The following SGCZ variants were observed in gnomAD, a reference collection of about 807,000 sequenced individuals.
SGCZ encodes the protein zeta-sarcoglycan.
In SGCZ, 40 loss-of-function variants were observed where a neutral mutation model predicts 41.3. The ratio of observed to expected loss-of-function variants is 0.97; its 90% CI spans 0.75 to 1.26. SGCZ has a LOEUF of 1.26. Ranked by LOEUF, SGCZ falls within the 50% of genes most tolerant of loss-of-function variation. The probability of loss-of-function intolerance (pLI) is 0.00; values close to 1 mark genes in which losing one functional copy is unlikely to be tolerated. For synonymous variants in SGCZ, 206 were observed against 137.5 expected (o/e 1.50, Z -3.49); for missense variants, 552 against 369.8 (o/e 1.49, Z -4.04).
At chr8:14,628,319 A>G (rs1806531178) in intron 1 of SGCZ, among the ~76,000 whole-genome samples, 1 of 148,574 alleles carries the variant, frequency 6.7e-6, no homozygotes, top group Non-Finnish European at 1.5e-5. Flanking sequence ...TAATTTACCT[A>G]TAAGGAAAGA....
At chr8:14,271,053 G>A (rs1305995299) in intron 3 of SGCZ, among the ~76,000 whole-genome samples, 1 of 152,126 alleles carries the variant, frequency 6.6e-6, no homozygotes, top group Non-Finnish European at 1.5e-5. Context: ...GTTGTGAGGT[G>A]GGCGGAGCGG....
At chr8:14,718,771 A>G (rs562958226) in intron 1 of SGCZ, among the ~76,000 whole-genome samples, 8 of 151,698 alleles carry the variant, frequency 5.3e-5, no homozygotes, top group Non-Finnish European at 1.2e-4. Flanking sequence ...GAGAAGAAAG[A>G]AATGAACAGT....
intron 1 of SGCZ, among the ~76,000 whole-genome samples, chr8:15,210,945 G>T (rs1357257310): frequency 6.6e-6 from 1 of 151,510 alleles, no homozygotes; most frequent in African/African-American, 2.4e-5. Context: ...TATTGCCTTT[G>T]CCTAGAAATC....
intron 5 of SGCZ, among the ~76,000 whole-genome samples, chr8:14,155,674 A>G (rs1041861678): frequency 2.7e-5 from 4 of 150,826 alleles, no homozygotes; most frequent in Non-Finnish European, 4.4e-5. Flanking sequence ...ATTTTATTCA[A>G]TCAAACGTAT....
chr8:14,112,358 A>T (rs1445364659), intron 5 of SGCZ, among the ~76,000 whole-genome samples: 1 of 151,460 alleles, frequency 6.6e-6, no homozygotes, highest in African/African-American at 2.4e-5. Flanking sequence ...TACAAGAGGA[A>T]TCCAGAGTCC....
chr8:14,408,258 C>T (rs1188405157), intron 2 of SGCZ, among the ~76,000 whole-genome samples: 1 of 152,112 alleles, frequency 6.6e-6, no homozygotes, highest in Non-Finnish European at 1.5e-5. Context: ...TTGGTCTTTG[C>T]AGAATCACCT....
intron 1 of SGCZ, among the ~76,000 whole-genome samples, chr8:14,834,765 G>A (rs924710662): frequency 6.6e-6 from 1 of 152,180 alleles, no homozygotes; most frequent in African/African-American, 2.4e-5. Flanking sequence ...TGGAGAGCAT[G>A]TCTTCCTTGA....
intron 2 of SGCZ, among the ~76,000 whole-genome samples, chr8:14,467,143 G>T (rs574781870): frequency 1.3e-5 from 2 of 151,896 alleles, no homozygotes; most frequent in African/African-American, 4.8e-5. Context: ...AATGTTTTCA[G>T]AAGTCATTTC....
intron 7 of SGCZ, among the ~76,000 whole-genome samples, chr8:14,100,475 A>ACTC (rs1801980555): frequency 6.7e-6 from 1 of 149,690 alleles, no homozygotes; most frequent in Non-Finnish European, 1.5e-5. Flanking sequence ...AAAGTATTGT[A>ACTC]GTCTACAACT....
chr8:15,203,392 A>G (rs1800958913), intron 1 of SGCZ, among the ~76,000 whole-genome samples: 2 of 152,146 alleles, frequency 1.3e-5, no homozygotes, highest in African/African-American at 4.8e-5. Flanking sequence ...TTGAGTGTAC[A>G]AACCCCGTGA....
In SGCZ at chr8:14,439,304, G is replaced by C. The variant is rs10091219; in HGVS notation, c.235-115100C>G. On this transcript the variant is annotated intron_variant, in intron 2 of 7. Transcript: ENST00000382080. ...CCTTGATTAAAGAAAATATATAGAA[G>C]AAAGAAATATATATATATATATATA... Among the ~76,000 whole-genome samples the C allele has an allele frequency of 5.1e-3, 703 of 137,738 alleles. 9 individuals carry two copies. Among genetic ancestry groups the C allele is most frequent in the African/African-American group, 0.017 (651 of 38,546 alleles). The allele number at this position is 137,738 out of a possible 152,430, so 90.4% of individuals were successfully genotyped here.
intron 1 of SGCZ, among the ~76,000 whole-genome samples, chr8:15,132,169 T>C (rs1040271506): frequency 2.0e-5 from 3 of 152,202 alleles, no homozygotes; most frequent in African/African-American, 7.2e-5. Context: ...CTTTCCACAT[T>C]GCCATTTATT....
chr8:14,973,157 G>A (rs918690648), intron 1 of SGCZ, among the ~76,000 whole-genome samples: 1 of 152,118 alleles, frequency 6.6e-6, no homozygotes, highest in South Asian at 2.1e-4. Context: ...TGACCCTTCA[G>A]GGTGTAAATC....
chr8:14,326,719 T>G (rs1045188633), intron 2 of SGCZ, among the ~76,000 whole-genome samples: 2 of 152,198 alleles, frequency 1.3e-5, no homozygotes, highest in South Asian at 4.1e-4. Context: ...CATACATTTC[T>G]GTTAGGATGA....
At chr8:15,186,015 G>C (rs1010281598) in intron 1 of SGCZ, among the ~76,000 whole-genome samples, 1 of 150,334 alleles carries the variant, frequency 6.7e-6, no homozygotes, top group Non-Finnish European at 1.5e-5. Flanking sequence ...ACGAGGTCAG[G>C]AGATGAGACC....
chr8:14,276,493 T>C (rs910837592), intron 3 of SGCZ, among the ~76,000 whole-genome samples: 3 of 152,142 alleles, frequency 2.0e-5, no homozygotes, highest in Non-Finnish European at 4.4e-5. Context: ...TTCTCTCCCA[T>C]GGCTTCAACA....
In SGCZ at chr8:14,508,630, C is replaced by T. The variant is rs17119509; in HGVS notation, c.234+46102G>A. Among the ~76,000 whole-genome samples the T allele has an allele frequency of 7.8e-3, 1,194 of 152,188 alleles. 25 individuals are homozygous for T. Among genetic ancestry groups the T allele is most frequent in the East Asian group, 0.065 (333 of 5,154 alleles). On this transcript the variant is annotated intron_variant, in intron 2 of 7. Transcript: ENST00000382080. ...TTGGTGGGTCACTAACTTTCCCCATCGGTGGCATTCCATCAAAAATCTGTT... is the reference window on the plus strand; with the variant it reads ...TTGGTGGGTCACTAACTTTCCCCATTGGTGGCATTCCATCAAAAATCTGTT...
chr8:14,875,172 C>G (rs931790410), intron 1 of SGCZ, among the ~76,000 whole-genome samples: 3 of 152,118 alleles, frequency 2.0e-5, no homozygotes, highest in Non-Finnish European at 2.9e-5. Context: ...ATCTCCACTT[C>G]CAAAATGATA....
rs539537409 is a variant in SGCZ at position 14,371,275 on chromosome 8, A to G, written c.235-47071T>C. The stretch of plus-strand genomic sequence containing the variant: ...AATTAGTGACTCAGTCTCCTGAATA[A>G]GATATCAGAAATAAGTATTATTAGA... On this transcript the variant is annotated intron_variant, in intron 2 of 7. Coordinates refer to ENST00000382080, the MANE Select transcript of SGCZ (RefSeq NM_139167.4). Among the ~76,000 whole-genome samples the G allele has an allele frequency of 3.3e-5, 5 of 152,126 alleles. No homozygotes were observed. In the East Asian group the frequency reaches 9.7e-4, roughly 29 times the overall value.
Sources: gnomAD v4.1 joint callset for allele counts (sites outside exome capture counted in the v4.1 genomes callset) on GRCh38, gnomAD v4.1.1 for gene constraint, MANE v1.5 for transcripts, NCBI Gene and HGNC (gene_info 2026-07-23, HGNC 2026-07-21) for gene names.